Variants in DYM observed in about 807,000 individuals in gnomAD.
The protein encoded by DYM is dyggve-Melchior-Clausen syndrome protein.
A neutral mutation model predicts 93.1 loss-of-function variants in DYM; 78 were observed. The ratio of observed to expected loss-of-function variants is 0.84; its 90% CI spans 0.70 to 1.01. The LOEUF (loss-of-function observed/expected upper bound fraction) is 1.01, where lower values mean the gene tolerates loss of function less well. Ranked by LOEUF, DYM falls within the 50% of genes least tolerant of loss-of-function variation. DYM has a pLI of 0.00. For synonymous variants in DYM, 321 were observed against 319.7 expected, an observed-to-expected ratio of 1.00 and a Z score of -0.04; for missense variants, 789 against 845.0, an observed-to-expected ratio of 0.93 and a Z score of 0.82.
At chr18:49,459,400 A>T (rs1344798271) in intron 1 of DYM, among the ~76,000 whole-genome samples, 1 of 152,154 alleles carries the variant, frequency 6.6e-6, no homozygotes, top group Non-Finnish European at 1.5e-5. Flanking sequence ...ATATATTCAT[A>T]AATTTCATCC....
intron 13 of DYM, among the ~76,000 whole-genome samples, chr18:49,238,368 C>A (rs1243009941): frequency 6.6e-6 from 1 of 152,062 alleles, no homozygotes; most frequent in African/African-American, 2.4e-5. Flanking sequence ...AAATTGGTTA[C>A]TGCCTCCATA....
chr18:49,327,606 G>C (rs559808596), intron 8 of DYM, among the ~76,000 whole-genome samples: 92 of 151,986 alleles, frequency 6.1e-4, no homozygotes, highest in African/African-American at 2.2e-3. Flanking sequence ...ATCCACCCAC[G>C]TCAGCCTCCC....
intron 17 of DYM, among the ~76,000 whole-genome samples, chr18:49,055,514 G>A (rs1020370530): frequency 1.3e-5 from 2 of 152,180 alleles, no homozygotes; most frequent in Non-Finnish European, 2.9e-5. Flanking sequence ...GGAGATGGGG[G>A]CAAAAGTGGA....
At chr18:49,119,675 G>A (rs2082205896) in intron 15 of DYM, among the ~76,000 whole-genome samples, 1 of 152,120 alleles carries the variant, frequency 6.6e-6, no homozygotes, top group African/African-American at 2.4e-5. Context: ...GATTTAAAAG[G>A]ACAAAGGTTT....
At chr18:49,279,037 A>C (rs1247843368) in intron 10 of DYM, among the ~76,000 whole-genome samples, 2 of 152,152 alleles carry the variant, frequency 1.3e-5, no homozygotes, top group Non-Finnish European at 2.9e-5. Context: ...CCCTGTTCTT[A>C]ATATTTAGGC....
chr18:49,097,633 T>C (rs998271692), intron 16 of DYM, 118 bp from the exon 17 acceptor site: 2 of 919,618 alleles, frequency 2.2e-6, no homozygotes, highest in Non-Finnish European at 3.4e-6. Context: ...GACCCGGCTT[T>C]TAATTCACTA....
chr18:49,370,251 C>G (rs184846643), intron 5 of DYM, among the ~76,000 whole-genome samples: 297 of 148,764 alleles, frequency 2.0e-3, no homozygotes, highest in African/African-American at 6.8e-3. Flanking sequence ...GCACTTCAGC[C>G]TCGGAAACAA....
intron 8 of DYM, among the ~76,000 whole-genome samples, chr18:49,288,530 G>A (rs1476247419): frequency 6.6e-6 from 1 of 152,124 alleles, no homozygotes; most frequent in Non-Finnish European, 1.5e-5. Flanking sequence ...TGTAATCCCA[G>A]CACTTTGGGA....
At chr18:49,325,942 G>A (rs2062845095) in intron 8 of DYM, among the ~76,000 whole-genome samples, 1 of 152,206 alleles carries the variant, frequency 6.6e-6, no homozygotes, top group Middle Eastern at 3.2e-3. Flanking sequence ...TTCCTCAGTA[G>A]TTAGTAGTAC....
At chr18:49,143,048 A>G (rs960183214) in intron 15 of DYM, among the ~76,000 whole-genome samples, 10 of 152,248 alleles carry the variant, frequency 6.6e-5, no homozygotes, top group African/African-American at 2.4e-4. Context: ...ATCATATTTG[A>G]ATACAATCAT....
intron 17 of DYM, 67 bp downstream of exon 17, chr18:49,097,335 C>T: frequency 7.0e-7 from 1 of 1,427,626 alleles, no homozygotes; most frequent in Non-Finnish European, 9.8e-7. Flanking sequence ...ATAGGGTCTG[C>T]TAAGACACTA....
chr18:49,165,853 T>C (rs1000133771), intron 14 of DYM, among the ~76,000 whole-genome samples: 2 of 152,122 alleles, frequency 1.3e-5, no homozygotes, highest in African/African-American at 4.8e-5. Context: ...CCTTAGGCCC[T>C]ACCCAATGTC....
At chr18:49,046,197 C>A (rs577970588) in intron 17 of DYM, among the ~76,000 whole-genome samples, 32 of 149,910 alleles carry the variant, frequency 2.1e-4, no homozygotes, top group African/African-American at 7.9e-4. Context: ...GACACGCACA[C>A]ATAGACACAC....
chr18:49,173,777 T>C (rs1319063150), intron 14 of DYM, among the ~76,000 whole-genome samples: 3 of 152,122 alleles, frequency 2.0e-5, no homozygotes, highest in East Asian at 3.8e-4. Flanking sequence ...CTTGTGCAAA[T>C]AGCTAAATAG....
At chr18:49,260,458 T>C (rs188714977) in intron 11 of DYM, among the ~76,000 whole-genome samples, 9 of 152,244 alleles carry the variant, frequency 5.9e-5, no homozygotes, top group Admixed American at 3.9e-4. Context: ...GCAGACGTCA[T>C]AGCCACTTAA....
At chr18:49,046,463 A>C (rs2071577035) in intron 17 of DYM, among the ~76,000 whole-genome samples, 1 of 150,676 alleles carries the variant, frequency 6.6e-6, no homozygotes. Flanking sequence ...TCACATGCAG[A>C]CACACCCACA....
At chr18:49,292,613 AAAAAAAAAAAAACC>A (rs2060229538) in intron 8 of DYM, among the ~76,000 whole-genome samples, 4 of 139,024 alleles carry the variant, frequency 2.9e-5, no homozygotes, top group Non-Finnish European at 4.6e-5. Context: ...AAAAAAAAAA[AAAAAAAAAAAAACC>A]CCCACAAAAA....
intron 8 of DYM, among the ~76,000 whole-genome samples, chr18:49,302,588 C>T (rs2061001767): frequency 6.6e-6 from 1 of 152,038 alleles, no homozygotes; most frequent in Non-Finnish European, 1.5e-5. Flanking sequence ...CCATCATACT[C>T]AAGGAACTGT....
chr18:49,377,438 T>C (rs1195750359), intron 5 of DYM, among the ~76,000 whole-genome samples: 1 of 152,066 alleles, frequency 6.6e-6, no homozygotes, highest in Non-Finnish European at 1.5e-5. Context: ...AATGCACCTG[T>C]AGTCCCAGCT....
Sources: gnomAD v4.1 joint callset for allele counts (sites outside exome capture counted in the v4.1 genomes callset) on GRCh38, gnomAD v4.1.1 for gene constraint, MANE v1.5 for transcripts, NCBI Gene and HGNC (gene_info 2026-07-23, HGNC 2026-07-21) for gene names.